Variants in NAV3 observed in about 807,000 individuals in gnomAD.
NAV3 encodes pore membrane and/or filament interacting like protein 1.
A neutral mutation model predicts 244.7 loss-of-function variants in NAV3; 87 were observed. The observed-to-expected ratio is 0.36, with a 90% CI of 0.30 to 0.42. NAV3 has a LOEUF of 0.42. NAV3 is among the 20% of genes least tolerant of loss of function. NAV3 has a pLI of 1.00. For synonymous variants in NAV3, 1,126 were observed against 1,042.2 expected (o/e 1.08, Z -1.55); for missense variants, 2,663 against 2,893.3 (o/e 0.92, Z 1.83).
chr12:77,868,532 G>A (rs1011581478), intron 1 of NAV3, among the ~76,000 whole-genome samples: 2 of 151,924 alleles, frequency 1.3e-5, no homozygotes, highest in African/African-American at 4.8e-5. Context: ...GAGGCAGGTG[G>A]ATCACCTGAG....
intron 1 of NAV3, among the ~76,000 whole-genome samples, chr12:77,892,032 A>T (rs1415569847): frequency 6.6e-6 from 1 of 152,142 alleles, no homozygotes. Context: ...CTACACAGAA[A>T]TTTTTCAAAC....
intron 2 of NAV3, among the ~76,000 whole-genome samples, chr12:77,601,627 T>G (rs1267800568): frequency 6.6e-6 from 1 of 151,974 alleles, no homozygotes; most frequent in Non-Finnish European, 1.5e-5. Context: ...CATGTACCTA[T>G]GTCAAGCTGA....
intron 2 of NAV3, among the ~76,000 whole-genome samples, chr12:77,804,977 T>C (rs1871898763): frequency 6.6e-6 from 1 of 152,192 alleles, no homozygotes; most frequent in South Asian, 2.1e-4. Context: ...GTTTTTCTAT[T>C]ATTGGTGTAT....
intron 1 of NAV3, among the ~76,000 whole-genome samples, chr12:77,883,850 G>T (rs1293959030): frequency 2.6e-5 from 4 of 152,084 alleles, no homozygotes; most frequent in Non-Finnish European, 5.9e-5. Context: ...GAAATTGGAA[G>T]TCAGGTGTCC....
At chr12:77,638,439 A>G (rs529994109) in intron 2 of NAV3, among the ~76,000 whole-genome samples, 1 of 152,210 alleles carries the variant, frequency 6.6e-6, no homozygotes, top group South Asian at 2.1e-4. Context: ...TATTCTTTAC[A>G]TCTCATCTGC....
At chr12:77,859,746 T>C (rs868330959) in intron 1 of NAV3, among the ~76,000 whole-genome samples, 6 of 110,690 alleles carry the variant, frequency 5.4e-5, no homozygotes, top group Admixed American at 1.1e-4. Flanking sequence ...GCATTTCCCA[T>C]GCTTTCAAAT....
At chr12:77,792,556 C>T (rs1459436888) in intron 2 of NAV3, among the ~76,000 whole-genome samples, 1 of 152,186 alleles carries the variant, frequency 6.6e-6, no homozygotes, top group Non-Finnish European at 1.5e-5. Flanking sequence ...CCAGCCATAT[C>T]AAGCATGGCT....
intron 2 of NAV3, among the ~76,000 whole-genome samples, chr12:77,800,202 T>C (rs1339953487): frequency 9.0e-6 from 1 of 110,702 alleles, no homozygotes; most frequent in Non-Finnish European, 2.3e-5. Context: ...TTGCTAAGCA[T>C]AGTAAAGGCC....
At chr12:77,872,421 A>T (rs958095518) in intron 1 of NAV3, among the ~76,000 whole-genome samples, 6 of 152,196 alleles carry the variant, frequency 3.9e-5, no homozygotes, top group African/African-American at 1.4e-4. Context: ...CAGAGAAAGA[A>T]GGGACTGGTA....
chr12:77,685,093 A>C (rs1874656573), intron 2 of NAV3, among the ~76,000 whole-genome samples: 1 of 152,164 alleles, frequency 6.6e-6, no homozygotes, highest in Admixed American at 6.5e-5. Flanking sequence ...TTCCTTTTTA[A>C]GATTCTGAAG....
chr12:77,829,394 T>C (rs938440711), upstream of NAV3, among the ~76,000 whole-genome samples: 1 of 152,228 alleles, frequency 6.6e-6, no homozygotes, highest in East Asian at 1.9e-4. Flanking sequence ...AAGTTGCATA[T>C]GTTTTGAGTG....
chr12:78,205,496 G>A (rs1326836967), intron 39 of NAV3, among the ~76,000 whole-genome samples: 6 of 151,936 alleles, frequency 3.9e-5, no homozygotes, highest in Non-Finnish European at 7.4e-5. Flanking sequence ...AAAAACAAAA[G>A]TTATGGTATA....
At chr12:77,839,194 T>C (rs747988379) in intron 1 of NAV3, among the ~76,000 whole-genome samples, 2 of 152,236 alleles carry the variant, frequency 1.3e-5, no homozygotes, top group African/African-American at 4.8e-5. Flanking sequence ...TGGCATCCTT[T>C]GTATTTGAGA....
chr12:77,985,117 A>G (rs1443224755), intron 5 of NAV3, among the ~76,000 whole-genome samples: 1 of 152,036 alleles, frequency 6.6e-6, no homozygotes, highest in Non-Finnish European at 1.5e-5. Context: ...CGCCCAGCCT[A>G]TACTTTTTAT....
At chr12:78,131,852 A>G (rs983214517) in intron 18 of NAV3, among the ~76,000 whole-genome samples, 3 of 152,196 alleles carry the variant, frequency 2.0e-5, no homozygotes, top group African/African-American at 4.8e-5. Flanking sequence ...TTTTCACTGG[A>G]AAGCATGTCT....
intron 28 of NAV3, among the ~76,000 whole-genome samples, chr12:78,177,929 G>A (rs113768048): frequency 3.2e-5 from 1 of 30,922 alleles, no homozygotes; most frequent in Non-Finnish European, 1.9e-4. Flanking sequence ...GTAGCCCCCC[G>A]TTATCCACCA....
intron 2 of NAV3, among the ~76,000 whole-genome samples, chr12:77,682,527 AAAT>A (rs1164228232): frequency 1.3e-5 from 2 of 152,176 alleles, no homozygotes; most frequent in Non-Finnish European, 2.9e-5. Context: ...CCAGTAATAG[AAAT>A]GCTGGATCAT....
intron 2 of NAV3, among the ~76,000 whole-genome samples, chr12:77,634,067 A>AT (rs1312120452): frequency 6.6e-6 from 1 of 151,644 alleles, no homozygotes; most frequent in African/African-American, 2.4e-5. Context: ...TTCTATTTCC[A>AT]TTTTTTATAT....
At chr12:77,971,614 G>A (rs1181673502) in intron 5 of NAV3, among the ~76,000 whole-genome samples, 2 of 152,110 alleles carry the variant, frequency 1.3e-5, no homozygotes, top group Non-Finnish European at 2.9e-5. Context: ...CTATGGGTTA[G>A]AACCAAGATA....
Sources: gnomAD v4.1 joint callset for allele counts (sites outside exome capture counted in the v4.1 genomes callset) on GRCh38, gnomAD v4.1.1 for gene constraint, MANE v1.5 for transcripts, NCBI Gene and HGNC (gene_info 2026-07-23, HGNC 2026-07-21) for gene names.